Variants in USH2A observed in about 807,000 individuals in gnomAD.
USH2A encodes the protein usherin.
USH2A carries 443 observed loss-of-function variants against 538.9 expected under a neutral mutation model. The ratio of observed to expected loss-of-function variants is 0.82; its 90% CI spans 0.76 to 0.89. The LOEUF is 0.89. Ranked by LOEUF, USH2A falls within the 40% of genes least tolerant of loss-of-function variation. The pLI, the probability that USH2A is intolerant of heterozygous loss-of-function variation, is 0.00. For missense variants in USH2A, 6,633 were observed against 6,324.8 expected, an observed-to-expected ratio of 1.05 and a Z score of -1.65; for synonymous variants, 2,413 against 2,273.5, an observed-to-expected ratio of 1.06 and a Z score of -1.75.
At chr1:216,039,518 C>A (rs140986108) in intron 32 of USH2A, among the ~76,000 whole-genome samples, 3 of 151,896 alleles carry the variant, frequency 2.0e-5, no homozygotes, top group Admixed American at 6.6e-5. Flanking sequence ...AGAACACAGG[C>A]GTGTTAACAG....
intron 4 of USH2A, among the ~76,000 whole-genome samples, chr1:216,352,987 C>T (rs191806948): frequency 1.2e-3 from 184 of 152,068 alleles, no homozygotes; most frequent in African/African-American, 4.2e-3. Flanking sequence ...ATAGGAAGTT[C>T]ATGGTCATGA....
At chr1:216,306,872 G>A (rs1558377618) in intron 9 of USH2A, among the ~76,000 whole-genome samples, 1 of 152,202 alleles carries the variant, frequency 6.6e-6, no homozygotes, top group Non-Finnish European at 1.5e-5. Flanking sequence ...AAACAGCCCT[G>A]TGATATGATC....
At chr1:216,020,504 T>C (rs1571894849) in intron 32 of USH2A, among the ~76,000 whole-genome samples, 1 of 152,154 alleles carries the variant, frequency 6.6e-6, no homozygotes, top group East Asian at 1.9e-4. Flanking sequence ...AGATATTTGG[T>C]CTTTGTACCA....
chr1:216,045,089 C>A (rs2030455976), intron 32 of USH2A, among the ~76,000 whole-genome samples: 1 of 152,046 alleles, frequency 6.6e-6, no homozygotes, highest in African/African-American at 2.4e-5. Context: ...CCTATTACAA[C>A]CTTAGTACCT....
intron 19 of USH2A, among the ~76,000 whole-genome samples, chr1:216,193,512 T>C (rs1212158469): frequency 2.0e-5 from 3 of 152,102 alleles, no homozygotes; most frequent in Admixed American, 6.6e-5. Flanking sequence ...GATTGTATAG[T>C]GTCTCCCAAA....
In USH2A at chr1:215,684,857, T is replaced by C. The variant is rs946577616; in HGVS notation, c.12067-4481A>G. Among the ~76,000 whole-genome samples the C allele has an allele frequency of 2.0e-5, 3 of 150,930 alleles. No homozygotes were observed. The South Asian group carries it at 6.2e-4, about 31-fold the overall frequency. ...CCCTTGCCTCCTTAGTTATGATGAATACCAAGAACCAGAGAATAAGTCACA... is the reference window on the plus strand; with the variant it reads ...CCCTTGCCTCCTTAGTTATGATGAACACCAAGAACCAGAGAATAAGTCACA... On this transcript the variant is annotated intron_variant, in intron 61 of 71. Transcript: ENST00000307340.
At position 215,782,146 on chromosome 1, in the gene USH2A, C is replaced by T. The variant is rs1553261372; in HGVS notation, c.10636G>A (p.Gly3546Arg). The change falls in exon 54 of 72, where the codon GGA (glycine) becomes AGA (arginine). Residue 3546 changes from glycine (G) to arginine (R), a missense_variant. Coordinates refer to ENST00000307340, the MANE Select transcript of USH2A (RefSeq NM_206933.4). Reference sequence around the variant, plus strand: ...TTATCAGAGAAGCTCAGTGATGTTCCCCGAAAACGTTCAATTCCATTTCGA... The same window carrying T: ...TTATCAGAGAAGCTCAGTGATGTTCTCCGAAAACGTTCAATTCCATTTCGA... ...LLRNGIERFR[G>R]TSLSFSDKEG... The T allele has an allele frequency of 6.2e-7, 1 of 1,613,868 alleles. No homozygotes were observed. The highest frequency in any genetic ancestry group is 8.5e-7 in the Non-Finnish European group (1 of 1,179,866).
chr1:216,006,051 A>C (rs557028374), intron 32 of USH2A, among the ~76,000 whole-genome samples: 3 of 152,094 alleles, frequency 2.0e-5, no homozygotes, highest in Non-Finnish European at 2.9e-5. Flanking sequence ...GCATTGGCTC[A>C]GTTTTCTTTT....
At chr1:215,920,022 A>T (rs1017985921) in intron 38 of USH2A, among the ~76,000 whole-genome samples, 1 of 152,072 alleles carries the variant, frequency 6.6e-6, no homozygotes, top group Non-Finnish European at 1.5e-5. Flanking sequence ...TACAAAGTAC[A>T]CAGTTCATAA....
At chr1:216,081,882 C>T (rs1259578168) in intron 26 of USH2A, among the ~76,000 whole-genome samples, 1 of 151,906 alleles carries the variant, frequency 6.6e-6, no homozygotes, top group African/African-American at 2.4e-5. Flanking sequence ...TAGGGGTGAG[C>T]CACTGCACCC....
rs2032821280 is a variant in USH2A at position 216,109,740 on chromosome 1, C to T, written c.4628-12527G>A. On this transcript the variant is annotated intron_variant, in intron 21 of 71. Coordinates refer to ENST00000307340, the MANE Select transcript of USH2A (RefSeq NM_206933.4). ...TCTTGGATTTTACAGGAAATATTATCAGAAAATAATAATTATCTGATCAAT... is the reference window on the plus strand; with the variant it reads ...TCTTGGATTTTACAGGAAATATTATTAGAAAATAATAATTATCTGATCAAT... Among the ~76,000 whole-genome samples the T allele has an allele frequency of 1.3e-5, 2 of 152,130 alleles. 1 individual carries two copies. Among genetic ancestry groups the T allele is most frequent in the South Asian group, 4.1e-4 (2 of 4,824 alleles).
chr1:216,145,156 T>C (rs549042038), intron 21 of USH2A, among the ~76,000 whole-genome samples: 2 of 152,138 alleles, frequency 1.3e-5, no homozygotes, highest in Admixed American at 1.3e-4. Flanking sequence ...TGTCTCTCAT[T>C]TCAATTAATT....
intron 37 of USH2A, among the ~76,000 whole-genome samples, chr1:215,954,127 T>C (rs915748650): frequency 1.3e-5 from 2 of 152,280 alleles, no homozygotes; most frequent in African/African-American, 2.4e-5. Context: ...GACTGTAAAC[T>C]AGTTCAACCA....
At chr1:216,410,561 G>T (rs2039471640) in intron 3 of USH2A, among the ~76,000 whole-genome samples, 1 of 151,766 alleles carries the variant, frequency 6.6e-6, no homozygotes, top group Admixed American at 6.6e-5. Context: ...GACCAATGAA[G>T]ACATAAAGGG....
Position 215,867,095 on chromosome 1 carries a change from T to C in USH2A, c.8757A>G (p.Thr2919=). The change falls in exon 44 of 72, where the codon ACA becomes ACG. Residue 2919 remains threonine, a synonymous_variant. Transcript: ENST00000307340. ...CTCTCTCTGGAAGACCAGCTAACGTTGTCACAGTCACTTCTCGGCTCGGTG... is the reference window on the plus strand; with the variant it reads ...CTCTCTCTGGAAGACCAGCTAACGTCGTCACAGTCACTTCTCGGCTCGGTG... The part of the protein sequence containing the change: ...GFTPSREVTV[T]TLAGLPERGA... 1 of 1,614,124 alleles carries C rather than the reference T, an allele frequency of 6.2e-7. No individual in the cohort carries two copies. Among genetic ancestry groups the C allele is most frequent in the Non-Finnish European group, 8.5e-7 (1 of 1,179,998 alleles).
At chr1:215,901,676 T>C (rs189605909) in intron 38 of USH2A, among the ~76,000 whole-genome samples, 24 of 152,236 alleles carry the variant, frequency 1.6e-4, no homozygotes, top group African/African-American at 5.8e-4. Flanking sequence ...TCTCTTTGAA[T>C]GGTTCTAGAA....
chr1:216,281,549 C>T (rs2036776099), intron 11 of USH2A, among the ~76,000 whole-genome samples: 1 of 152,026 alleles, frequency 6.6e-6, no homozygotes, highest in African/African-American at 2.4e-5. Flanking sequence ...GTAGCAGGTA[C>T]CAGTAATTTC....
chr1:216,417,757 T>G (rs968089288), intron 3 of USH2A, among the ~76,000 whole-genome samples: 1 of 152,092 alleles, frequency 6.6e-6, no homozygotes, highest in Non-Finnish European at 1.5e-5. Context: ...CACAGAACCA[T>G]GAGCCAATTG....
intron 4 of USH2A, among the ~76,000 whole-genome samples, chr1:216,334,609 T>C (rs1422513769): frequency 1.3e-5 from 2 of 151,694 alleles, no homozygotes; most frequent in African/African-American, 4.8e-5. Context: ...AGGAAACAAA[T>C]AGATTGAATG....
Sources: allele counts gnomAD v4.1 joint callset (sites outside exome capture counted in the v4.1 genomes callset), GRCh38; gene constraint gnomAD v4.1.1; transcripts MANE v1.5; gene names NCBI Gene and HGNC (gene_info 2026-07-23, HGNC 2026-07-21).